Variants in UNC79 observed in about 807,000 individuals in gnomAD.
UNC79 encodes the protein protein unc-79 homolog.
Under a neutral mutation model 283.1 loss-of-function variants are expected in UNC79, and 37 were observed. That is an observed-to-expected ratio of 0.13 (90% CI 0.10 to 0.17). The LOEUF (loss-of-function observed/expected upper bound fraction) is 0.17, where lower values mean the gene tolerates loss of function less well. UNC79 is among the 10% of genes least tolerant of loss of function. UNC79 has a pLI of 1.00. For missense variants in UNC79, 2,272 were observed against 3,211.1 expected, an observed-to-expected ratio of 0.71 and a Z score of 7.07; for synonymous variants, 1,107 against 1,200.2, an observed-to-expected ratio of 0.92 and a Z score of 1.61.
At chr14:93,561,036 C>T (rs2062515026) in intron 14 of UNC79, among the ~76,000 whole-genome samples, 1 of 152,002 alleles carries the variant, frequency 6.6e-6, no homozygotes, top group South Asian at 2.1e-4. Context: ...GGGAAGGTAG[C>T]CAAGGATGGA....
At chr14:93,511,494 C>A (rs1352831628) in intron 7 of UNC79, among the ~76,000 whole-genome samples, 1 of 152,124 alleles carries the variant, frequency 6.6e-6, no homozygotes, top group African/African-American at 2.4e-5. Flanking sequence ...TGTCACCAGG[C>A]TGGAGTGTTG....
At chr14:93,419,117 C>T (rs1036398751) in intron 1 of UNC79, among the ~76,000 whole-genome samples, 5 of 150,578 alleles carry the variant, frequency 3.3e-5, no homozygotes, top group African/African-American at 9.8e-5. Flanking sequence ...TTCTGTGTCA[C>T]GCTGGGAGCT....
intron 5 of UNC79, among the ~76,000 whole-genome samples, chr14:93,492,596 C>T (rs11627344): frequency 0.018 from 2,735 of 152,282 alleles, 40 homozygotes; most frequent in South Asian, 0.073. Flanking sequence ...TCAAGTGATC[C>T]GCCTGTCTTG....
intron 1 of UNC79, among the ~76,000 whole-genome samples, chr14:93,354,103 G>T (rs1456054248): frequency 6.6e-6 from 1 of 152,022 alleles, no homozygotes; most frequent in Non-Finnish European, 1.5e-5. Context: ...ATTTTAGGCA[G>T]AAAGAACATC....
chr14:93,355,321 C>G (rs1365192301), intron 1 of UNC79, among the ~76,000 whole-genome samples: 1 of 152,226 alleles, frequency 6.6e-6, no homozygotes, highest in East Asian at 1.9e-4. Flanking sequence ...GCCTCAGCCT[C>G]CCAAGTAGCT....
intron 7 of UNC79, among the ~76,000 whole-genome samples, chr14:93,512,691 C>A (rs535963158): frequency 6.6e-6 from 1 of 152,076 alleles, no homozygotes; most frequent in Non-Finnish European, 1.5e-5. Context: ...TATATGCTAT[C>A]TTTTCTAATT....
chr14:93,519,775 AT>A (rs1182633447), intron 7 of UNC79, among the ~76,000 whole-genome samples: 7 of 151,788 alleles, frequency 4.6e-5, no homozygotes, highest in African/African-American at 1.7e-4. Context: ...TCTACCTCAA[AT>A]TATATCAGTT....
intron 26 of UNC79, among the ~76,000 whole-genome samples, chr14:93,607,403 T>C (rs2065962691): frequency 6.6e-6 from 1 of 152,238 alleles, no homozygotes. Context: ...TAAGTGATTC[T>C]GCTTTGGTGA....
chr14:93,650,688 T>G (rs1483065465), intron 35 of UNC79, among the ~76,000 whole-genome samples: 3 of 152,228 alleles, frequency 2.0e-5, no homozygotes, highest in African/African-American at 7.2e-5. Context: ...TGAATACTAG[T>G]CCTTTGTTAA....
intron 1 of UNC79, among the ~76,000 whole-genome samples, chr14:93,370,021 A>G (rs755021929): frequency 6.6e-6 from 1 of 152,344 alleles, no homozygotes; most frequent in South Asian, 2.1e-4. Context: ...GTCCAGAAGC[A>G]TAGGCTCACT....
At chr14:93,350,445 C>G (rs2053960532) in intron 1 of UNC79, among the ~76,000 whole-genome samples, 1 of 151,854 alleles carries the variant, frequency 6.6e-6, no homozygotes, top group East Asian at 1.9e-4. Flanking sequence ...TTAAAAAGAA[C>G]TGTAATGTAA....
chr14:93,563,635 T>C (rs187993203), intron 14 of UNC79, among the ~76,000 whole-genome samples: 1 of 152,248 alleles, frequency 6.6e-6, no homozygotes, highest in African/African-American at 2.4e-5. Context: ...CTTTTGCTGG[T>C]GAGTGGCGAT....
intron 12 of UNC79, 139 bp from the exon 13 acceptor site, chr14:93,540,513 TACTCAGTA>T: frequency 1.3e-6 from 1 of 795,200 alleles, no homozygotes; most frequent in Non-Finnish European, 1.9e-6. Flanking sequence ...GGATGCACAG[TACTCAGTA>T]ACTCAGTAAC....
At chr14:93,352,576 A>C (rs930318091) in intron 1 of UNC79, among the ~76,000 whole-genome samples, 2 of 152,202 alleles carry the variant, frequency 1.3e-5, no homozygotes, top group African/African-American at 4.8e-5. Context: ...GTCACATTCA[A>C]GGTACAGTTT....
At chr14:93,585,391 T>C (rs1326475296) in intron 20 of UNC79, among the ~76,000 whole-genome samples, 1 of 152,228 alleles carries the variant, frequency 6.6e-6, no homozygotes, top group African/African-American at 2.4e-5. Flanking sequence ...TCCCTTCTAG[T>C]GTGTTTCCCT....
intron 26 of UNC79, among the ~76,000 whole-genome samples, chr14:93,608,527 C>G (rs1454334463): frequency 2.6e-5 from 4 of 152,182 alleles, no homozygotes; most frequent in East Asian, 1.9e-4. Flanking sequence ...CTTTCCAGCC[C>G]TGCTGTGGAT....
chr14:93,437,901 G>A (rs2056148956), intron 1 of UNC79, among the ~76,000 whole-genome samples: 1 of 152,064 alleles, frequency 6.6e-6, no homozygotes, highest in African/African-American at 2.4e-5. Context: ...GATTATATCT[G>A]CAAAGACCCT....
At chr14:93,508,314 G>A (rs1172440778) in intron 7 of UNC79, among the ~76,000 whole-genome samples, 1 of 151,994 alleles carries the variant, frequency 6.6e-6, no homozygotes, top group Non-Finnish European at 1.5e-5. Context: ...AAGCCAGGAG[G>A]TCAAGAACAG....
intron 48 of UNC79, among the ~76,000 whole-genome samples, chr14:93,705,113 T>C (rs776815865): frequency 3.3e-5 from 5 of 152,132 alleles, no homozygotes; most frequent in Non-Finnish European, 7.4e-5. Context: ...CATGCACCTG[T>C]GGTTCTAGCT....
Sources: allele counts gnomAD v4.1 joint callset (sites outside exome capture counted in the v4.1 genomes callset), GRCh38; gene constraint gnomAD v4.1.1; transcripts MANE v1.5; gene names NCBI Gene and HGNC (gene_info 2026-07-23, HGNC 2026-07-21).